GRM1: variants seen among roughly 807,000 people sequenced by gnomAD.
GRM1 encodes glutamate metabotropic receptor 1, also known as metabotropic glutamate receptor 1.
In GRM1, 33 loss-of-function variants were observed where a neutral mutation model predicts 90.9. The ratio of observed to expected loss-of-function variants is 0.36; its 90% CI spans 0.28 to 0.49. GRM1 has a LOEUF of 0.49. Ranked by LOEUF, GRM1 falls within the 20% of genes least tolerant of loss-of-function variation. The pLI is 0.99. For missense variants in GRM1, 1,190 were observed against 1,534.3 expected, an observed-to-expected ratio of 0.78 and a Z score of 3.75; for synonymous variants, 700 against 613.2, an observed-to-expected ratio of 1.14 and a Z score of -2.09.
chr6:146,192,963 G>A (rs1357368251), intron 2 of GRM1, among the ~76,000 whole-genome samples: 2 of 152,060 alleles, frequency 1.3e-5, no homozygotes, highest in African/African-American at 4.8e-5. Flanking sequence ...TGGGTGAAAA[G>A]TGGCCAGATT....
At chr6:146,358,596 C>T (rs362838) in intron 5 of GRM1, among the ~76,000 whole-genome samples, 41,191 of 151,870 alleles carry the variant, frequency 0.27, 6,009 homozygotes, top group African/African-American at 0.39. Context: ...GCTGACATGC[C>T]GCTGTACCAT....
chr6:146,158,870 A>G (rs1007144439), intron 1 of GRM1, among the ~76,000 whole-genome samples: 4 of 152,116 alleles, frequency 2.6e-5, no homozygotes, highest in Non-Finnish European at 5.9e-5. Context: ...CAGGTGTTCC[A>G]TTTATTTTGC....
At chr6:146,163,345 T>C (rs1777802642) in intron 2 of GRM1, among the ~76,000 whole-genome samples, 1 of 152,220 alleles carries the variant, frequency 6.6e-6, no homozygotes, top group South Asian at 2.1e-4. Context: ...ATAATAATTG[T>C]AATAATGATT....
chr6:146,217,838 C>T (rs1779927251), intron 2 of GRM1, among the ~76,000 whole-genome samples: 1 of 136,378 alleles, frequency 7.3e-6, no homozygotes, highest in Admixed American at 6.9e-5. Flanking sequence ...AAGGTGAAGG[C>T]TTCCCAGAGA....
chr6:146,434,610 G>A lies in GRM1; in HGVS notation c.3399G>A (p.Ala1133=), dbSNP rs1778534038. 6.2e-7 allele frequency: 1 copy of A among 1,613,022 alleles called. No homozygotes were observed. The highest frequency in any genetic ancestry group is 1.1e-5 in the South Asian group (1 of 91,090). ...AAGAGGAGGAGGAGGACCTGCAGGC[G>A]GCCAGCAAACTGACCCCGGATGATT... ...ELEEEEEDLQ[A]ASKLTPDDSP... The change falls in exon 8 of 8, where the codon GCG becomes GCA. Residue 1133 remains alanine, a synonymous_variant. Transcript: ENST00000282753.
intron 2 of GRM1, among the ~76,000 whole-genome samples, chr6:146,259,176 T>G (rs1294026337): frequency 6.6e-6 from 1 of 152,150 alleles, no homozygotes; most frequent in African/African-American, 2.4e-5. Flanking sequence ...GACTTACTTT[T>G]ATTAATCCAT....
At chr6:146,118,807 A>G (rs1447435417) in intron 1 of GRM1, among the ~76,000 whole-genome samples, 1 of 152,228 alleles carries the variant, frequency 6.6e-6, no homozygotes, top group Non-Finnish European at 1.5e-5. Context: ...TCCATGGTGT[A>G]TATGTGCCAC....
chr6:146,041,917 A>G (rs751032670), intron 1 of GRM1, among the ~76,000 whole-genome samples: 30 of 151,966 alleles, frequency 2.0e-4, no homozygotes, highest in Non-Finnish European at 4.3e-4. Context: ...CATGTCCAAG[A>G]TCAAGGCACC....
chr6:146,058,965 C>G (rs1257232823), intron 1 of GRM1, among the ~76,000 whole-genome samples: 2 of 152,152 alleles, frequency 1.3e-5, no homozygotes. Context: ...TCCGCAGTGA[C>G]TTTCTCCATT....
At chr6:146,422,074 A>G (rs935705467) in intron 7 of GRM1, among the ~76,000 whole-genome samples, 1 of 152,136 alleles carries the variant, frequency 6.6e-6, no homozygotes, top group Non-Finnish European at 1.5e-5. Context: ...CTGCATTATT[A>G]TTTCCATGGT....
intron 2 of GRM1, among the ~76,000 whole-genome samples, chr6:146,177,668 T>G (rs1654209525): frequency 6.6e-6 from 1 of 152,148 alleles, no homozygotes; most frequent in South Asian, 2.1e-4. Context: ...CACTGAATTT[T>G]TTTTCTTTTG....
intron 2 of GRM1, among the ~76,000 whole-genome samples, chr6:146,290,664 A>G (rs1435969168): frequency 6.6e-6 from 1 of 152,108 alleles, no homozygotes; most frequent in African/African-American, 2.4e-5. Flanking sequence ...GAATGTCTAT[A>G]TACTGGTACT....
chr6:146,324,606 G>C (rs1784335107), intron 3 of GRM1, among the ~76,000 whole-genome samples: 2 of 152,144 alleles, frequency 1.3e-5, no homozygotes, highest in Non-Finnish European at 2.9e-5. Context: ...AGCAGGAAAA[G>C]TGTAGTACCT....
intron 2 of GRM1, among the ~76,000 whole-genome samples, chr6:146,203,236 TA>T (rs1212762263): frequency 6.6e-6 from 1 of 151,662 alleles, no homozygotes; most frequent in East Asian, 1.9e-4. Context: ...AATAAATAAA[TA>T]AATAAATCCC....
At chr6:146,303,664 A>C (rs1373718961) in intron 2 of GRM1, among the ~76,000 whole-genome samples, 1 of 152,144 alleles carries the variant, frequency 6.6e-6, no homozygotes, top group African/African-American at 2.4e-5. Context: ...GCCTAATCAC[A>C]TGGGCCGACC....
Position 146,136,849 on chromosome 6 carries a change from C to CTTTTTTTT in GRM1, c.701-22485_701-22478dup, listed in dbSNP as rs57774648. ...GATTGTTTTCTTTGTTGTACAGAAG[C>CTTTTTTTT]TTTTTTTTTTTTTTTTTTTTTGAGA... On this transcript the variant is annotated intron_variant, in intron 1 of 7. Transcript: ENST00000282753. Among the ~76,000 whole-genome samples, 8 of 90,962 alleles carry CTTTTTTTT rather than the reference C, an allele frequency of 8.8e-5. 1 individual carries two copies. Among genetic ancestry groups the CTTTTTTTT allele is most frequent in the South Asian group, 4.5e-4 (1 of 2,242 alleles). The allele number at this position is 90,962 out of a possible 152,430, so 59.7% of individuals were successfully genotyped here. A position where few individuals can be genotyped will look rare whatever the true frequency, so the allele number is the denominator to read the frequency against.
Position 146,189,253 on chromosome 6 carries a change from G to A in GRM1, c.950+29656G>A, listed in dbSNP as rs566054857. Reference sequence around the variant, plus strand: ...TCCTTGATCTGGTTCCTATGCAATGGACTATTTTTCCTGTTTTCCTCAGTG... The same window carrying A: ...TCCTTGATCTGGTTCCTATGCAATGAACTATTTTTCCTGTTTTCCTCAGTG... On this transcript the variant is annotated intron_variant, in intron 2 of 7. Transcript: ENST00000282753. Among the ~76,000 whole-genome samples the A allele has an allele frequency of 1.2e-4, 19 of 152,186 alleles. No individual in the cohort carries two copies. In the South Asian group the frequency reaches 3.9e-3, roughly 32 times the overall value.
intron 1 of GRM1, among the ~76,000 whole-genome samples, chr6:146,076,815 A>C (rs1045760845): frequency 1.1e-4 from 17 of 152,184 alleles, no homozygotes; most frequent in African/African-American, 4.1e-4. Flanking sequence ...CTTCAGGACC[A>C]GTGACTCTCT....
chr6:146,364,658 A>G (rs146230530), intron 5 of GRM1, among the ~76,000 whole-genome samples: 43 of 152,320 alleles, frequency 2.8e-4, no homozygotes, highest in African/African-American at 1.0e-3. Context: ...AACATAAAAG[A>G]AAATATTAAA....
Sources: allele counts gnomAD v4.1 joint callset (sites outside exome capture counted in the v4.1 genomes callset), GRCh38; gene constraint gnomAD v4.1.1; transcripts MANE v1.5; gene names NCBI Gene and HGNC (gene_info 2026-07-23, HGNC 2026-07-21).